The following LINGO2 variants were observed in gnomAD, a reference collection of about 807,000 sequenced individuals.
LINGO2 encodes leucine rich repeat and Ig domain containing 2, also known as leucine-rich repeat and immunoglobulin-like domain-containing nogo receptor-interacting protein 2.
In LINGO2, 14 loss-of-function variants were observed where a neutral mutation model predicts 30.6. The ratio of observed to expected loss-of-function variants is 0.46; its 90% CI spans 0.30 to 0.72. LINGO2 has a LOEUF of 0.72. Ranked by LOEUF, LINGO2 falls within the 30% of genes least tolerant of loss-of-function variation. The pLI is 0.07. For synonymous variants in LINGO2, 317 were observed against 288.5 expected (o/e 1.10, Z -1.00); for missense variants, 729 against 751.7 (o/e 0.97, Z 0.35).
At chr9:29,052,108 G>T in the LINGO2 span, among the ~76,000 whole-genome samples, 2 of 152,136 alleles carry the variant, frequency 1.3e-5, no homozygotes, top group East Asian at 1.9e-4. Context: ...TGATATTTTG[G>T]TATCTCCATA....
the LINGO2 span, among the ~76,000 whole-genome samples, chr9:29,074,609 A>C: frequency 6.6e-6 from 1 of 151,392 alleles, no homozygotes; most frequent in African/African-American, 2.4e-5. Flanking sequence ...ATCAGATTTC[A>C]TCATTGTCTG....
chr9:28,945,441 G>C, the LINGO2 span, among the ~76,000 whole-genome samples: 24,347 of 152,036 alleles, frequency 0.16, 1,981 homozygotes, highest in South Asian at 0.2. Context: ...AATAAGTGTA[G>C]AGAACTATTA....
chr9:29,110,839 C>T, the LINGO2 span, among the ~76,000 whole-genome samples: 35,476 of 151,416 alleles, frequency 0.23, 4,236 homozygotes, highest in East Asian at 0.4. Context: ...TACAGGCGCT[C>T]GCCACCACGC....
the LINGO2 span, among the ~76,000 whole-genome samples, chr9:28,706,395 A>T: frequency 6.6e-6 from 1 of 152,174 alleles, no homozygotes; most frequent in East Asian, 1.9e-4. Flanking sequence ...TGATGATAAT[A>T]GCTTTTACAT....
chr9:28,732,617 T>C, the LINGO2 span, among the ~76,000 whole-genome samples: 44 of 152,138 alleles, frequency 2.9e-4, 1 homozygote, highest in Middle Eastern at 3.4e-3. Flanking sequence ...CAAAAGAACA[T>C]AGATAAATGA....
chr9:28,830,604 T>C, the LINGO2 span, among the ~76,000 whole-genome samples: 1 of 152,192 alleles, frequency 6.6e-6, no homozygotes, highest in Admixed American at 6.5e-5. Context: ...CCCAACTCCC[T>C]AAAAGGAGGG....
At chr9:28,379,425 T>C (rs1821255662) in intron 2 of LINGO2, among the ~76,000 whole-genome samples, 1 of 152,046 alleles carries the variant, frequency 6.6e-6, no homozygotes, top group Non-Finnish European at 1.5e-5. Context: ...GTAAATAAAA[T>C]CAGAAGCCCA....
upstream of LINGO2, among the ~76,000 whole-genome samples, chr9:28,673,919 A>G (rs1829121343): frequency 6.6e-6 from 1 of 151,984 alleles, no homozygotes; most frequent in South Asian, 2.1e-4. Context: ...CAAGCAGTTA[A>G]CAGACAAAAG....
At chr9:28,760,492 A>G in the LINGO2 span, among the ~76,000 whole-genome samples, 2 of 152,072 alleles carry the variant, frequency 1.3e-5, no homozygotes, top group Admixed American at 6.5e-5. Flanking sequence ...AAGGCTTGTT[A>G]AATTTTCTTT....
At chr9:27,982,244 G>A (rs1324707984) in intron 5 of LINGO2, among the ~76,000 whole-genome samples, 2 of 151,828 alleles carry the variant, frequency 1.3e-5, no homozygotes, top group Non-Finnish European at 2.9e-5. Context: ...TGGATGGTCA[G>A]ATGCATGCTC....
chr9:28,239,668 G>T (rs1184759709), intron 4 of LINGO2, among the ~76,000 whole-genome samples: 1 of 152,092 alleles, frequency 6.6e-6, no homozygotes, highest in Admixed American at 6.5e-5. Context: ...CAAACCCATA[G>T]CTAGTATTAT....
the LINGO2 span, among the ~76,000 whole-genome samples, chr9:29,125,451 T>C: frequency 6.6e-6 from 1 of 151,466 alleles, no homozygotes; most frequent in Non-Finnish European, 1.5e-5. Context: ...ATATACATAG[T>C]TTAATAACCA....
the LINGO2 span, among the ~76,000 whole-genome samples, chr9:28,711,024 C>T: frequency 5.9e-5 from 9 of 151,916 alleles, no homozygotes; most frequent in East Asian, 1.7e-3. Context: ...GATACTGGCC[C>T]CAGCATTTAT....
chr9:28,233,740 T>A (rs1415591192), intron 4 of LINGO2, among the ~76,000 whole-genome samples: 1 of 152,146 alleles, frequency 6.6e-6, no homozygotes, highest in African/African-American at 2.4e-5. Flanking sequence ...GCCTTTTGGA[T>A]GCCAGTTCAG....
chr9:28,943,214 T>C, the LINGO2 span, among the ~76,000 whole-genome samples: 1 of 152,158 alleles, frequency 6.6e-6, no homozygotes. Context: ...GCATTCTTTG[T>C]AGAATAATTG....
the LINGO2 span, among the ~76,000 whole-genome samples, chr9:28,678,945 A>T: frequency 6.6e-6 from 1 of 152,092 alleles, no homozygotes; most frequent in Non-Finnish European, 1.5e-5. Context: ...TAATTTTAAA[A>T]TAAAATATTA....
intron 4 of LINGO2, among the ~76,000 whole-genome samples, chr9:28,028,175 T>C (rs1823476564): frequency 6.6e-6 from 1 of 152,084 alleles, no homozygotes; most frequent in Non-Finnish European, 1.5e-5. Context: ...TTTAAGATAA[T>C]GAAGCTAAGT....
At chr9:28,748,248 T>C in the LINGO2 span, among the ~76,000 whole-genome samples, 1 of 152,180 alleles carries the variant, frequency 6.6e-6, no homozygotes, top group African/African-American at 2.4e-5. Context: ...TTTGGTTGTA[T>C]TCAACTTTCC....
At chr9:29,140,968 C>T in the LINGO2 span, among the ~76,000 whole-genome samples, 1 of 151,988 alleles carries the variant, frequency 6.6e-6, no homozygotes, top group Admixed American at 6.6e-5. Flanking sequence ...AAAGATGTGC[C>T]CAGAAAAACA....
Sources: allele counts gnomAD v4.1 joint callset (sites outside exome capture counted in the v4.1 genomes callset), GRCh38; gene constraint gnomAD v4.1.1; transcripts MANE v1.5; gene names NCBI Gene and HGNC (gene_info 2026-07-23, HGNC 2026-07-21).